AQR: variants seen among roughly 807,000 people sequenced by gnomAD.
AQR encodes aquarius intron-binding spliceosomal factor, also known as RNA helicase aquarius.
AQR carries 61 observed loss-of-function variants against 180.5 expected under a neutral mutation model. The observed-to-expected ratio is 0.34, with a 90% CI of 0.28 to 0.42. The LOEUF is 0.42. Among genes scored for constraint, AQR ranks in the 10% least tolerant of loss-of-function variants. The pLI is 1.00. For missense variants in AQR, 1,281 were observed against 1,798.3 expected (o/e 0.71, Z 5.20); for synonymous variants, 551 against 588.8 (o/e 0.94, Z 0.93).
At chr15:34,887,652 A>G (rs946040925) in intron 24 of AQR, among the ~76,000 whole-genome samples, 2 of 152,226 alleles carry the variant, frequency 1.3e-5, no homozygotes, top group Non-Finnish European at 1.5e-5. Context: ...AGGGTCTCCC[A>G]TAACCCTTTA....
chr15:34,897,803 A>G lies in AQR; in HGVS notation c.2244-98T>C, dbSNP rs1050102566. On this transcript the variant is annotated intron_variant, in intron 20 of 34. Coordinates refer to ENST00000156471, the MANE Select transcript of AQR (RefSeq NM_014691.3). ...TTGTATGCACGATAATCAGAGGAGT[A>G]AGAAACATTTCTGGCTTAAAGGAAC... The G allele has an allele frequency of 9.8e-6, 13 of 1,327,790 alleles. No homozygotes were observed. In the East Asian group the frequency reaches 2.6e-4, roughly 26 times the overall value. 82.3% of individuals were successfully genotyped at this position (1,327,790 alleles called of 1,614,324 possible).
chr15:34,859,975 T>C, intron 34 of AQR, 67 bp downstream of exon 34: 1 of 780,922 alleles, frequency 1.3e-6, no homozygotes, highest in Non-Finnish European at 1.9e-6. Context: ...ACTTTAAAGA[T>C]TTATTCTGAA....
At chr15:34,968,369 C>T (rs959795371) in intron 1 of AQR, among the ~76,000 whole-genome samples, 1 of 151,980 alleles carries the variant, frequency 6.6e-6, no homozygotes, top group Non-Finnish European at 1.5e-5. Flanking sequence ...TCTCCTGCCT[C>T]AGCCTCCCGA....
chr15:34,866,404 G>A (rs1341520329), intron 32 of AQR, among the ~76,000 whole-genome samples: 1 of 152,088 alleles, frequency 6.6e-6, no homozygotes, highest in Admixed American at 6.6e-5. Flanking sequence ...AAATTTTGAT[G>A]TTCAAGACAA....
rs143466179 is a variant in AQR at position 34,897,501 on chromosome 15, C to T, written c.2390+58G>A. The T allele has an allele frequency of 7.4e-3, 11,733 of 1,580,744 alleles. 80 individuals carry two copies. Among genetic ancestry groups the T allele is most frequent in the Non-Finnish European group, 8.5e-3 (9,790 of 1,154,628 alleles). On this transcript the variant is annotated intron_variant, in intron 21 of 34. Transcript: ENST00000156471. Reference sequence around the variant, plus strand: ...CAGAAAATTTAAAAACATTCCTAATCCAGTTGAAATGGCAAACTATTGTTC... The same window carrying T: ...CAGAAAATTTAAAAACATTCCTAATTCAGTTGAAATGGCAAACTATTGTTC...
Position 34,870,805 on chromosome 15 carries a change from C to A in AQR, c.3715G>T (p.Asp1239Tyr). 1 of 1,613,232 alleles carries A rather than the reference C, an allele frequency of 6.2e-7. No individual in the cohort carries two copies. Among genetic ancestry groups the A allele is most frequent in the South Asian group, 1.1e-5 (1 of 91,030 alleles). Reference protein sequence around the residue: ...TYNGQKHLIRDIINRRCGNNP... With the variant: ...TYNGQKHLIRYIINRRCGNNP... ...TTTCCACATCGTCTATTGATGATGT[C>A]GCGAATAAGATGCTTTTGGCCATTA... Residue 1239 changes from aspartate (D) to tyrosine (Y), a missense_variant, in exon 31 of 35, where the codon GAC becomes TAC. This residue lies in a region of AQR where 197 missense variants were observed against 320.7 expected (regional missense o/e 0.61). Transcript: ENST00000156471.
chr15:34,901,112 G>C (rs1449865529), intron 19 of AQR, among the ~76,000 whole-genome samples: 1 of 152,134 alleles, frequency 6.6e-6, no homozygotes, highest in Non-Finnish European at 1.5e-5. Flanking sequence ...AGTTCGCTTA[G>C]ACAGAATGAC....
At chr15:34,929,799 A>G (rs1893823943) in intron 12 of AQR, among the ~76,000 whole-genome samples, 1 of 152,250 alleles carries the variant, frequency 6.6e-6, no homozygotes, top group Non-Finnish European at 1.5e-5. Flanking sequence ...TCCTTCTGCC[A>G]TCAGAGAAAC....
chr15:34,927,489 A>G (rs1296875634), intron 12 of AQR, among the ~76,000 whole-genome samples: 1 of 152,222 alleles, frequency 6.6e-6, no homozygotes, highest in Non-Finnish European at 1.5e-5. Context: ...AGACTAAAAG[A>G]AAGTCCCAAG....
At chr15:34,964,198 C>T (rs1174599710) in intron 2 of AQR, 36 bp downstream of exon 2, 8 of 1,451,886 alleles carry the variant, frequency 5.5e-6, no homozygotes, top group Non-Finnish European at 7.7e-6. Context: ...AGGAGTGTAA[C>T]TTCTCAAGAA....
intron 16 of AQR, 102 bp from the exon 17 acceptor site, chr15:34,910,415 T>C: frequency 8.0e-7 from 1 of 1,255,854 alleles, no homozygotes; most frequent in South Asian, 1.5e-5. Context: ...CAGCTAGTAT[T>C]TAAGTCCTAA....
intron 28 of AQR, among the ~76,000 whole-genome samples, 189 bp from the exon 29 acceptor site, chr15:34,875,053 T>C (rs1477470110): frequency 6.6e-6 from 1 of 152,060 alleles, no homozygotes; most frequent in Non-Finnish European, 1.5e-5. Context: ...ACGTTATTGC[T>C]CCTGGGTGAC....
At position 34,897,668 on chromosome 15, in the gene AQR, T is replaced by C. The variant is rs1893269291; in HGVS notation, c.2281A>G (p.Arg761Gly). The stretch of plus-strand genomic sequence containing the variant: ...TCATCTTCCACATCCGCATCTTTCC[T>C]TTTCTTCCCTTTTCCACTTCTTACT... ...FPVRSGKGKK[R>G]KDADVEDEDT... The change falls in exon 21 of 35, where the codon AGG becomes GGG. Residue 761 changes from arginine (R) to glycine (G), a missense_variant. This residue lies in a region of AQR where 112 missense variants were observed against 128.6 expected (regional missense o/e 0.87). Transcript: ENST00000156471. The C allele has an allele frequency of 6.2e-7, 1 of 1,613,942 alleles. No homozygotes were observed. Among genetic ancestry groups the C allele is most frequent in the Non-Finnish European group, 8.5e-7 (1 of 1,179,964 alleles).
chr15:34,883,787 G>A (rs940326351), intron 26 of AQR, among the ~76,000 whole-genome samples: 1 of 152,180 alleles, frequency 6.6e-6, no homozygotes, highest in African/African-American at 2.4e-5. Flanking sequence ...ATTCTGCAAT[G>A]ATGTGGCAAA....
intron 12 of AQR, among the ~76,000 whole-genome samples, chr15:34,927,612 C>G (rs142890121): frequency 9.5e-4 from 144 of 152,312 alleles, no homozygotes; most frequent in African/African-American, 3.3e-3. Context: ...TCTCAACCAA[C>G]ATAGGGTAAG....
intron 1 of AQR, 95 bp from the exon 2 acceptor site, chr15:34,964,385 G>T: frequency 1.0e-6 from 1 of 1,002,560 alleles, no homozygotes; most frequent in Non-Finnish European, 1.6e-6. Flanking sequence ...TCTTAACAAG[G>T]CCCTACTCGG....
intron 3 of AQR, among the ~76,000 whole-genome samples, chr15:34,956,696 G>GAAAAAAAAAA (rs565202160): frequency 2.8e-4 from 23 of 83,382 alleles, no homozygotes; most frequent in East Asian, 4.0e-4. Flanking sequence ...TAAGAAGTCA[G>GAAAAAAAAAA]AAAAAAAAAA....
At chr15:34,962,585 A>G (rs2050285967) in intron 2 of AQR, among the ~76,000 whole-genome samples, 1 of 152,070 alleles carries the variant, frequency 6.6e-6, no homozygotes, top group Admixed American at 6.6e-5. Flanking sequence ...CCTGGCCAAC[A>G]TGGTAAAACC....
At chr15:34,876,979 G>C (rs1198651094) in intron 27 of AQR, among the ~76,000 whole-genome samples, 2 of 150,936 alleles carry the variant, frequency 1.3e-5, no homozygotes, top group Non-Finnish European at 3.0e-5. Context: ...TCAAAGTACT[G>C]AAGTACTGTT....
Sources: gnomAD v4.1 joint callset for allele counts (sites outside exome capture counted in the v4.1 genomes callset) on GRCh38, gnomAD v4.1.1 for gene constraint, gnomAD v4.1.1 regional missense constraint, MANE v1.5 for transcripts, NCBI Gene and HGNC (gene_info 2026-07-23, HGNC 2026-07-21) for gene names.